Variants in PAK3 observed in about 807,000 individuals in gnomAD.
PAK3 encodes p21 (RAC1) activated kinase 3.
PAK3 carries 4 observed loss-of-function variants against 41.0 expected under a neutral mutation model. The observed-to-expected ratio is 0.10, with a 90% CI of 0.05 to 0.22. The LOEUF is 0.22. Among genes scored for constraint, PAK3 ranks in the 10% least tolerant of loss-of-function variants. PAK3 has a pLI of 1.00. For synonymous variants in PAK3, 146 were observed against 139.6 expected, an observed-to-expected ratio of 1.05 and a Z score of -0.32; for missense variants, 205 against 409.9, an observed-to-expected ratio of 0.50 and a Z score of 4.32.
chrX:111,187,823 C>G (rs946763955), intron 11 of PAK3, among the ~76,000 whole-genome samples: 1 of 109,794 alleles, frequency 9.1e-6, no homozygotes, highest in Non-Finnish European at 1.9e-5. Flanking sequence ...AAACCAATAA[C>G]TTATTGGTCA....
chrX:111,131,554 CA>C (rs751731708), intron 5 of PAK3, among the ~76,000 whole-genome samples: 182 of 99,081 alleles, frequency 1.8e-3, no homozygotes, highest in East Asian at 6.4e-3. Flanking sequence ...ATTTCCAATG[CA>C]AAAAAAAAAA....
intron 1 of PAK3, among the ~76,000 whole-genome samples, chrX:110,976,057 C>G (rs1335341297): frequency 8.9e-6 from 1 of 112,032 alleles, no homozygotes; most frequent in East Asian, 2.8e-4. Context: ...TGGGCAAGGA[C>G]TTCATGACAA....
intron 1 of PAK3, among the ~76,000 whole-genome samples, chrX:111,065,276 A>G (rs1205898192): frequency 9.7e-6 from 1 of 103,131 alleles, no homozygotes; most frequent in Non-Finnish European, 2.0e-5. Context: ...GGGATGTTGG[A>G]TTTTACCTAA....
At position 111,220,945 on chromosome X, in the gene PAK3, C is replaced by CAAAAAAAAAAAAAAAAAAAAAAAAAAAAA; in HGVS notation, c.*515_*516insAAAAAAAAAAAAAAAAAAAAAAAAAAAAA. The CAAAAAAAAAAAAAAAAAAAAAAAAAAAAA allele has an allele frequency of 2.8e-4, 14 of 49,413 alleles. No individual in the cohort carries two copies. The highest frequency in any genetic ancestry group is 6.8e-4 in the African/African-American group (8 of 11,737). The allele number at this position is 49,413 out of a possible 1,213,427, so 4.1% of individuals were successfully genotyped here. On this transcript the variant is annotated 3_prime_UTR_variant, in exon 18 of 18. Coordinates refer to ENST00000372007, the MANE Select transcript of PAK3 (RefSeq NM_002578.5). ...AAAAAAGAAAGCAAAAAAAGCAAGG[C>CAAAAAAAAAAAAAAAAAAAAAAAAAAAAA]AAAAAAAAAAAAAAAAACAAACAAA...
chrX:110,973,992 T>A (rs1477568079), intron 1 of PAK3, among the ~76,000 whole-genome samples: 1 of 111,856 alleles, frequency 8.9e-6, no homozygotes, highest in Admixed American at 9.5e-5. Context: ...GGTAAAGGGA[T>A]CAATTCAACA....
intron 1 of PAK3, among the ~76,000 whole-genome samples, chrX:111,061,657 C>T (rs998976984): frequency 1.8e-5 from 2 of 111,663 alleles, no homozygotes; most frequent in Non-Finnish European, 3.8e-5. Context: ...TAGTTTTCTC[C>T]GTAAAAACTT....
chrX:111,225,359 CTG>C lies in PAK3; in HGVS notation c.*4918_*4919del, dbSNP rs2094947800. ...TGAGATATCACCTCCATGTGCACAC[CTG>C]TGTGTACGAGTATTCTATACAACTT... On this transcript the variant is annotated 3_prime_UTR_variant, in exon 18 of 18. Coordinates refer to ENST00000372007, the MANE Select transcript of PAK3 (RefSeq NM_002578.5). The C allele has an allele frequency of 8.9e-6, 1 of 112,099 alleles. No homozygotes were observed. The highest frequency in any genetic ancestry group is 3.2e-5 in the African/African-American group (1 of 30,816). 9.2% of individuals were successfully genotyped at this position (112,099 alleles called of 1,213,427 possible). A position where few individuals can be genotyped will look rare whatever the true frequency, so the allele number is the denominator to read the frequency against.
intron 1 of PAK3, among the ~76,000 whole-genome samples, chrX:110,992,937 A>G (rs1360887868): frequency 9.0e-6 from 1 of 111,353 alleles, no homozygotes; most frequent in Non-Finnish European, 1.9e-5. Context: ...TACAGGCCCT[A>G]TTGTCTCTTC....
intron 1 of PAK3, among the ~76,000 whole-genome samples, chrX:111,014,276 C>T (rs1465603279): frequency 9.0e-6 from 1 of 111,677 alleles, no homozygotes; most frequent in Non-Finnish European, 1.9e-5. Flanking sequence ...TGTTCAAAGT[C>T]CATTTGTTCA....
intron 11 of PAK3, among the ~76,000 whole-genome samples, chrX:111,175,042 C>A (rs1265446483): frequency 1.8e-5 from 2 of 111,412 alleles, no homozygotes; most frequent in African/African-American, 6.5e-5. Flanking sequence ...TTCTTCATGC[C>A]TAAAGGGTAA....
chrX:111,077,355 AT>A (rs2092794757), intron 1 of PAK3, among the ~76,000 whole-genome samples: 1 of 112,193 alleles, frequency 8.9e-6, no homozygotes, highest in Admixed American at 9.4e-5. Context: ...GACCAAAGAA[AT>A]CTTGAGTGAA....
At chrX:111,154,961 T>C (rs1272657849) in intron 8 of PAK3, among the ~76,000 whole-genome samples, 1 of 111,863 alleles carries the variant, frequency 8.9e-6, no homozygotes, top group East Asian at 2.8e-4. Context: ...TCTCCTAAGA[T>C]ATTAACTGTT....
chrX:111,032,459 C>T (rs1467072027), intron 1 of PAK3, among the ~76,000 whole-genome samples: 1 of 111,761 alleles, frequency 8.9e-6, no homozygotes, highest in African/African-American at 3.3e-5. Context: ...AGCTACTGTT[C>T]CTGTTATTTG....
At chrX:111,098,481 A>T (rs2093053403) in intron 3 of PAK3, 1 of 111,482 alleles carries the variant, frequency 9.0e-6, no homozygotes, top group African/African-American at 3.3e-5. Context: ...CTGGAGGTTG[A>T]GGCAGCTGTA....
At chrX:111,030,964 G>A (rs972982268) in intron 1 of PAK3, among the ~76,000 whole-genome samples, 1 of 111,380 alleles carries the variant, frequency 9.0e-6, no homozygotes, top group African/African-American at 3.3e-5. Flanking sequence ...GGCAACTGGC[G>A]AACAACTAAC....
intron 1 of PAK3, among the ~76,000 whole-genome samples, chrX:110,969,450 A>ATTTTTTTTTTTTTTTTTT: frequency 2.1e-5 from 1 of 47,364 alleles, no homozygotes; most frequent in Non-Finnish European, 3.8e-5. Context: ...GACGTGGCTA[A>ATTTTTTTTTTTTTTTTTT]TTTTTTTTTT....
intron 10 of PAK3, among the ~76,000 whole-genome samples, chrX:111,167,536 C>T (rs1209748093): frequency 1.8e-5 from 2 of 111,107 alleles, no homozygotes; most frequent in Non-Finnish European, 3.8e-5. Flanking sequence ...ATGAACAGGT[C>T]ATCTTTCAGT....
At chrX:110,945,141 C>G (rs1380135649) in intron 1 of PAK3, among the ~76,000 whole-genome samples, 2 of 112,219 alleles carry the variant, frequency 1.8e-5, no homozygotes, top group Non-Finnish European at 3.8e-5. Context: ...CTGTATGTGA[C>G]TACACACAGG....
intron 7 of PAK3, among the ~76,000 whole-genome samples, chrX:111,148,519 C>A (rs2093983004): frequency 9.0e-6 from 1 of 111,407 alleles, no homozygotes; most frequent in African/African-American, 3.3e-5. Context: ...AAGACATGTC[C>A]AAGACTGGGA....
Sources: allele counts gnomAD v4.1 joint callset (sites outside exome capture counted in the v4.1 genomes callset), GRCh38; gene constraint gnomAD v4.1.1; transcripts MANE v1.5; gene names NCBI Gene and HGNC (gene_info 2026-07-23, HGNC 2026-07-21).